Variants in SGO2 observed in about 807,000 individuals in gnomAD.
SGO2 encodes the protein shugoshin 2.
In SGO2, 68 loss-of-function variants were observed where a neutral mutation model predicts 99.5. The observed-to-expected ratio is 0.68, with a 90% CI of 0.56 to 0.84. The LOEUF (loss-of-function observed/expected upper bound fraction) is 0.84, where lower values mean the gene tolerates loss of function less well. SGO2 is among the 40% of genes least tolerant of loss of function. SGO2 has a pLI of 0.00. For missense variants in SGO2, 1,350 were observed against 1,436.7 expected, an observed-to-expected ratio of 0.94 and a Z score of 0.97; for synonymous variants, 457 against 487.1, an observed-to-expected ratio of 0.94 and a Z score of 0.81.
intron 8 of SGO2, among the ~76,000 whole-genome samples, chr2:200,581,109 T>C (rs2033828110): frequency 6.6e-6 from 1 of 152,212 alleles, no homozygotes; most frequent in Non-Finnish European, 1.5e-5. Context: ...TTTATGGAAA[T>C]TGCCAGTATT....
intron 8 of SGO2, among the ~76,000 whole-genome samples, chr2:200,576,449 G>A (rs12466318): frequency 0.21 from 31,480 of 151,684 alleles, 3,498 homozygotes; most frequent in East Asian, 0.44. Context: ...GGTGGCGTGC[G>A]CCTGTAGTCC....
At chr2:200,566,584 A>C (rs144060229) in intron 5 of SGO2, among the ~76,000 whole-genome samples, 25 of 152,298 alleles carry the variant, frequency 1.6e-4, no homozygotes, top group Non-Finnish European at 3.4e-4. Flanking sequence ...GGGAACGACT[A>C]TTCTCTTCAA....
In SGO2 at chr2:200,567,986, T is replaced by C. The variant is rs1185408435; in HGVS notation, c.474-1677T>C. Among the ~76,000 whole-genome samples, 13 of 152,240 alleles carry C rather than the reference T, an allele frequency of 8.5e-5. 1 individual carries two copies. Among genetic ancestry groups the C allele is most frequent in the Admixed American group, 7.9e-4 (12 of 15,286 alleles). On this transcript the variant is annotated intron_variant, in intron 5 of 8. Coordinates refer to ENST00000357799, the MANE Select transcript of SGO2 (RefSeq NM_152524.6). ...TTGAATATATGCCTAGCAGTGGAAT[T>C]GCTGGGTCATCTGGTAACTCCGTGT...
chr2:200,583,397 A>G, intron 8 of SGO2, 52 bp from the exon 9 acceptor site: 1 of 1,517,486 alleles, frequency 6.6e-7, no homozygotes. Context: ...GCTTCACAGC[A>G]AAAGCATTAA....
At position 200,570,478 on chromosome 2, in the gene SGO2, A is replaced by ATG. The variant is rs71022323; in HGVS notation, c.704-541_704-540dup. On this transcript the variant is annotated intron_variant, in intron 6 of 8. Coordinates refer to ENST00000357799, the MANE Select transcript of SGO2 (RefSeq NM_152524.6). The surrounding 1 kb of genome is among the most constrained non-coding windows in gnomAD (Gnocchi z 4.4). The stretch of plus-strand genomic sequence containing the variant: ...TTAGAATTGTTTTTCCTTTCTGAAA[A>ATG]TGTGTGTGTGTGTGTGTGTGTGTGT... Among the ~76,000 whole-genome samples the ATG allele has an allele frequency of 0.17, 24,789 of 142,624 alleles. 2,354 individuals are homozygous for ATG. Among genetic ancestry groups the ATG allele is most frequent in the Middle Eastern group, 0.22 (64 of 286 alleles). The allele number at this position is 142,624 out of a possible 152,430, so 93.6% of individuals were successfully genotyped here.
chr2:200,561,058 A>T (rs1367016713), intron 5 of SGO2, among the ~76,000 whole-genome samples: 2 of 151,878 alleles, frequency 1.3e-5, no homozygotes, highest in Admixed American at 6.6e-5. Context: ...TTTTTTTATT[A>T]TTATACTTTA....
intron 5 of SGO2, among the ~76,000 whole-genome samples, chr2:200,563,110 G>C (rs1383473000): frequency 6.6e-6 from 1 of 152,150 alleles, no homozygotes; most frequent in Non-Finnish European, 1.5e-5. Context: ...AATAGGAGTG[G>C]TGAGAGAGGG....
rs116587225 is a variant in SGO2, at chr2:200,576,902, T to A, written c.3782+1441T>A. On this transcript the variant is annotated intron_variant, in intron 8 of 8. Transcript: ENST00000357799. ...ATTCATTTTTATGACTGGATAATATTCCATTGTGTAGATGTACCACATTTT... is the reference window on the plus strand; with the variant it reads ...ATTCATTTTTATGACTGGATAATATACCATTGTGTAGATGTACCACATTTT... Among the ~76,000 whole-genome samples, 1,249 of 152,370 alleles carry A rather than the reference T, an allele frequency of 8.2e-3. 14 individuals are homozygous for A. Among genetic ancestry groups the A allele is most frequent in the African/African-American group, 0.028 (1,146 of 41,590 alleles).
intron 8 of SGO2, among the ~76,000 whole-genome samples, chr2:200,582,722 A>G (rs879939469): frequency 2.6e-5 from 4 of 152,158 alleles, no homozygotes; most frequent in Non-Finnish European, 5.9e-5. Flanking sequence ...TTCCAAGGAA[A>G]ATGAAGGGCT....
chr2:200,557,314 T>C (rs1399661659), intron 5 of SGO2, among the ~76,000 whole-genome samples: 1 of 152,150 alleles, frequency 6.6e-6, no homozygotes, highest in African/African-American at 2.4e-5. Flanking sequence ...ATCCACTCTG[T>C]CTTAGGAGAG....
At chr2:200,528,137 G>A (rs2031193335) in intron 1 of SGO2, among the ~76,000 whole-genome samples, 1 of 152,232 alleles carries the variant, frequency 6.6e-6, no homozygotes, top group Non-Finnish European at 1.5e-5. Flanking sequence ...GGGAAGAGAA[G>A]TGTCAAATTG....
chr2:200,579,777 AT>A (rs1333269531), intron 8 of SGO2, among the ~76,000 whole-genome samples: 1 of 152,136 alleles, frequency 6.6e-6, no homozygotes, highest in African/African-American at 2.4e-5. Flanking sequence ...TTTGTTTAGA[AT>A]TTTTATATCA....
chr2:200,554,378 GA>G (rs2032617723), intron 5 of SGO2, among the ~76,000 whole-genome samples: 1 of 152,150 alleles, frequency 6.6e-6, no homozygotes, highest in Admixed American at 6.5e-5. Flanking sequence ...CACTCTCCAT[GA>G]GTACTGGAAG....
At chr2:200,581,978 A>G (rs1221162142) in intron 8 of SGO2, among the ~76,000 whole-genome samples, 1 of 152,048 alleles carries the variant, frequency 6.6e-6, no homozygotes, top group Non-Finnish European at 1.5e-5. Flanking sequence ...CTTTCCACCT[A>G]ATCTTGTATA....
Position 200,574,717 on chromosome 2 carries a change from GA to G in SGO2, c.3632-588del, listed in dbSNP as rs534869098. On this transcript the variant is annotated intron_variant, in intron 7 of 8. Transcript: ENST00000357799. ...GTAGAGAGTCAGAAAAAGGGAGGGG[GA>G]AAAAATCACCTGGGAGAACTTTAGT... Among the ~76,000 whole-genome samples, 50 of 152,048 alleles carry G rather than the reference GA, an allele frequency of 3.3e-4. No homozygotes were observed. In the South Asian group the frequency reaches 9.7e-3, roughly 30 times the overall value.
Position 200,571,367 on chromosome 2 carries a change from A to G in SGO2, c.1021A>G (p.Asn341Asp). The G allele has an allele frequency of 6.2e-7, 1 of 1,612,440 alleles. No individual in the cohort carries two copies. Residue 341 changes from asparagine to aspartate, a missense_variant, in exon 7 of 9, where the codon AAT becomes GAT. Transcript: ENST00000357799. The part of the protein sequence containing the change: ...GLSSESAREP[N>D]AECMNQIEDN... ...ATCTTCTGAGTCTGCCAGAGAACCT[A>G]ATGCAGAGTGCATGAATCAAATTGA...
At position 200,575,421 on chromosome 2, in the gene SGO2, A is replaced by T. The variant is rs1559220553; in HGVS notation, c.3742A>T (p.Arg1248Trp). ...TTCAGAACGGACAAGCAGAAGAAGA[A>T]GGTGTACTCCTTTCTATTTTAAAGA... ...LSSERTSRRR[R>W]CTPFYFKEPS... is the part of the protein sequence containing the mutation. The change falls in exon 8 of 9, where the codon AGG becomes TGG. Residue 1248 changes from arginine (R) to tryptophan (W), a missense_variant. Transcript: ENST00000357799. 6.2e-7 allele frequency: 1 copy of T among 1,602,742 alleles called. No homozygotes were observed. Among genetic ancestry groups the T allele is most frequent in the Admixed American group, 1.7e-5 (1 of 59,842 alleles).
At position 200,583,993 on chromosome 2, in the gene SGO2, G is replaced by C. The variant is rs2033916265; in HGVS notation, c.*529G>C. Among the ~76,000 whole-genome samples, 1 of 152,194 alleles carries C rather than the reference G, an allele frequency of 6.6e-6. No homozygotes were observed. The highest frequency in any genetic ancestry group is 2.4e-5 in the African/African-American group (1 of 41,440). On this transcript the variant is annotated 3_prime_UTR_variant, in exon 9 of 9. Transcript: ENST00000357799. ...TATGTAATCTGATGACTTAGAGGAG[G>C]AGATTAACCTTTCAGGCTCTTTTGA...
chr2:200,558,915 G>A (rs1394220843), intron 5 of SGO2, among the ~76,000 whole-genome samples: 4 of 151,496 alleles, frequency 2.6e-5, no homozygotes, highest in Non-Finnish European at 2.9e-5. Flanking sequence ...TGGTTCTCCT[G>A]TCTCAGCCTC....
Sources: allele counts gnomAD v4.1 joint callset (sites outside exome capture counted in the v4.1 genomes callset), GRCh38; gene constraint gnomAD v4.1.1; non-coding constraint Gnocchi (gnomAD v3.1); transcripts MANE v1.5; gene names NCBI Gene and HGNC (gene_info 2026-07-23, HGNC 2026-07-21).